ZFR: variants seen among roughly 807,000 people sequenced by gnomAD.
ZFR encodes zinc finger RNA binding protein, also known as zinc finger RNA-binding protein.
ZFR carries 19 observed loss-of-function variants against 130.7 expected under a neutral mutation model. The ratio of observed to expected loss-of-function variants is 0.15; its 90% CI spans 0.10 to 0.21. ZFR has a LOEUF of 0.21. ZFR is among the 10% of genes least tolerant of loss of function. The pLI, the probability that ZFR is intolerant of heterozygous loss-of-function variation, is 1.00. For missense variants in ZFR, 872 were observed against 1,321.5 expected (o/e 0.66, Z 5.27); for synonymous variants, 466 against 456.9 (o/e 1.02, Z -0.25).
At chr5:32,376,157 A>G (rs558695724) in intron 17 of ZFR, among the ~76,000 whole-genome samples, 1 of 152,204 alleles carries the variant, frequency 6.6e-6, no homozygotes, top group Non-Finnish European at 1.5e-5. Flanking sequence ...TTAGTTTTTA[A>G]GTAATGCACA....
intron 17 of ZFR, among the ~76,000 whole-genome samples, chr5:32,366,881 ATT>A (rs70961624): frequency 2.7e-4 from 38 of 142,320 alleles, no homozygotes; most frequent in Admixed American, 3.5e-4. Context: ...AGATTTTTTA[ATT>A]TTTTTTTTTT....
chr5:32,439,110 T>A (rs1419708904), intron 2 of ZFR, among the ~76,000 whole-genome samples: 1 of 152,240 alleles, frequency 6.6e-6, no homozygotes, highest in East Asian at 1.9e-4. Flanking sequence ...CATTTTATCA[T>A]CAGTGTAATA....
At chr5:32,408,404 T>C (rs1246551696) in intron 5 of ZFR, among the ~76,000 whole-genome samples, 4 of 151,908 alleles carry the variant, frequency 2.6e-5, no homozygotes, top group Admixed American at 6.6e-5. Flanking sequence ...ATTTTCTTAA[T>C]AGATAATTCA....
intron 19 of ZFR, among the ~76,000 whole-genome samples, chr5:32,363,646 G>C (rs542277838): frequency 1.3e-5 from 2 of 152,114 alleles, no homozygotes; most frequent in Non-Finnish European, 2.9e-5. Context: ...AATTTCTGCT[G>C]ATCTTGATAC....
At chr5:32,435,445 G>C (rs1754312556) in intron 2 of ZFR, among the ~76,000 whole-genome samples, 1 of 152,132 alleles carries the variant, frequency 6.6e-6, no homozygotes, top group Non-Finnish European at 1.5e-5. Context: ...ATAAAACTAG[G>C]ATAACCAGAT....
At chr5:32,421,180 TCCACAAGGTAAAG>T (rs1753948884) in intron 2 of ZFR, among the ~76,000 whole-genome samples, 1 of 152,002 alleles carries the variant, frequency 6.6e-6, no homozygotes, top group Admixed American at 6.6e-5. Flanking sequence ...TACACTCAAT[TCCACAAGGTAAAG>T]CCACATTACT....
chr5:32,388,491 TATC>T lies in ZFR; in HGVS notation c.2323_2325del (p.Asp775del), dbSNP rs748125244. 8.7e-6 allele frequency: 14 copies of T among 1,613,950 alleles called. 1 individual carries two copies. In the South Asian group the frequency reaches 1.5e-4, roughly 18 times the overall value. The stretch of plus-strand genomic sequence containing the variant: ...CACCTGTCTTTACCTCCCTCTTTCT[TATC>T]ATCTCCCTCTTTGTTCTTGTTCTTC... On this transcript the variant is annotated inframe_deletion, in exon 13 of 20. Coordinates refer to ENST00000265069, the MANE Select transcript of ZFR (RefSeq NM_016107.5).
chr5:32,398,654 A>G (rs1417286342), intron 9 of ZFR, among the ~76,000 whole-genome samples: 2 of 152,212 alleles, frequency 1.3e-5, no homozygotes, highest in Admixed American at 1.3e-4. Flanking sequence ...CCTTGTAAAC[A>G]AAGAATTCAA....
chr5:32,383,672 C>A (rs1752980457), intron 15 of ZFR: 1 of 435,372 alleles, frequency 2.3e-6, no homozygotes, highest in South Asian at 1.6e-5. Context: ...CTTCCTTAAC[C>A]CCTGTACTAA....
chr5:32,376,474 G>A (rs1489891551), intron 17 of ZFR, among the ~76,000 whole-genome samples: 2 of 151,470 alleles, frequency 1.3e-5, no homozygotes, highest in Admixed American at 6.6e-5. Context: ...GTGAAACCCC[G>A]TTTCTACTAA....
Position 32,410,283 on chromosome 5 carries a change from CAAAAAAAAAAA to C in ZFR, c.785-3273_785-3263del, listed in dbSNP as rs3065266. Among the ~76,000 whole-genome samples the C allele has an allele frequency of 6.4e-3, 719 of 113,150 alleles. 2 individuals are homozygous for C. Among genetic ancestry groups the C allele is most frequent in the South Asian group, 9.1e-3 (30 of 3,280 alleles). 74.2% of individuals were successfully genotyped at this position (113,150 alleles called of 152,430 possible). On this transcript the variant is annotated intron_variant, in intron 5 of 19. Transcript: ENST00000265069. ...GGGTGACACAGCAAGACACTGTCTCCAAAAAAAAAAAAAAAAAAAAAAAAAATGTACTTTCA... is the reference window on the plus strand; with the variant it reads ...GGGTGACACAGCAAGACACTGTCTCCAAAAAAAAAAAAAAATGTACTTTCA...
At chr5:32,356,006 T>C (rs945323077) in intron 19 of ZFR, 67 bp from the exon 20 acceptor site, 2 of 1,283,328 alleles carry the variant, frequency 1.6e-6, no homozygotes, top group Non-Finnish European at 2.1e-6. Flanking sequence ...TTACTACATT[T>C]ACCTCCCTCC....
intron 8 of ZFR, among the ~76,000 whole-genome samples, chr5:32,402,120 T>C (rs1234042363): frequency 1.3e-5 from 2 of 151,960 alleles, no homozygotes; most frequent in African/African-American, 2.4e-5. Flanking sequence ...TAAAAGTCAC[T>C]GCCCACATGG....
At chr5:32,440,231 T>C (rs1004976801) in intron 2 of ZFR, among the ~76,000 whole-genome samples, 1 of 152,220 alleles carries the variant, frequency 6.6e-6, no homozygotes, top group Non-Finnish European at 1.5e-5. Context: ...CATCCTTACA[T>C]TTTCACCATG....
chr5:32,443,019 G>A (rs112523907), intron 2 of ZFR, among the ~76,000 whole-genome samples: 17 of 151,590 alleles, frequency 1.1e-4, no homozygotes, highest in African/African-American at 2.9e-4. Context: ...GGCAACATAG[G>A]TCCTTTCTCT....
intron 2 of ZFR, 42 bp from the exon 3 acceptor site, chr5:32,420,145 T>C (rs1218441551): frequency 5.0e-6 from 7 of 1,407,384 alleles, no homozygotes; most frequent in Non-Finnish European, 6.5e-6. Flanking sequence ...ACAATTTTAA[T>C]ATCCAGGAGT....
At chr5:32,367,464 G>GTAAA (rs10612194) in intron 17 of ZFR, among the ~76,000 whole-genome samples, 3 of 150,156 alleles carry the variant, frequency 2.0e-5, no homozygotes, top group East Asian at 1.9e-4. Context: ...AATAAATAAA[G>GTAAA]TAAATAAATA....
rs1754091574 is a variant in ZFR, at chr5:32,427,139, C to G, written c.138-7036G>C. On this transcript the variant is annotated intron_variant, in intron 2 of 19. Transcript: ENST00000265069. ...CGTCAAAAAGAATAAAAAACTCGGG[C>G]CAGGCACTGTGGCTGGCTCAAGCCT... Among the ~76,000 whole-genome samples, 2 of 151,782 alleles carry G rather than the reference C, an allele frequency of 1.3e-5. 1 individual carries two copies. The highest frequency in any genetic ancestry group is 1.3e-4 in the Admixed American group (2 of 15,236).
intron 5 of ZFR, among the ~76,000 whole-genome samples, chr5:32,410,916 G>T (rs1753692357): frequency 6.6e-6 from 1 of 152,180 alleles, no homozygotes; most frequent in African/African-American, 2.4e-5. Context: ...AACTGTTCCA[G>T]AACTAGAAAT....
Sources: gnomAD v4.1 joint callset for allele counts (sites outside exome capture counted in the v4.1 genomes callset) on GRCh38, gnomAD v4.1.1 for gene constraint, MANE v1.5 for transcripts, NCBI Gene and HGNC (gene_info 2026-07-23, HGNC 2026-07-21) for gene names.